Variants in RIT2 observed in about 807,000 individuals in gnomAD.
RIT2 encodes the protein Ras like without CAAX 2, also known as GTP-binding protein Rit2.
A neutral mutation model predicts 23.7 loss-of-function variants in RIT2; 24 were observed. The observed-to-expected ratio is 1.01, with a 90% CI of 0.73 to 1.43. The LOEUF (loss-of-function observed/expected upper bound fraction) is 1.43, where lower values mean the gene tolerates loss of function less well. RIT2 is among the 40% of genes most tolerant of loss of function. The pLI, the probability that RIT2 is intolerant of heterozygous loss-of-function variation, is 0.00. For synonymous variants in RIT2, 107 were observed against 91.1 expected (o/e 1.17, Z -0.99); for missense variants, 236 against 266.9 (o/e 0.88, Z 0.81).
chr18:42,868,031 C>A (rs966954171), intron 4 of RIT2, among the ~76,000 whole-genome samples: 82 of 152,270 alleles, frequency 5.4e-4, no homozygotes, highest in African/African-American at 1.9e-3. Context: ...TAAGTCAAAT[C>A]AGTAAGTTTG....
chr18:43,056,766 G>T (rs1301552949), intron 1 of RIT2, among the ~76,000 whole-genome samples: 1 of 152,106 alleles, frequency 6.6e-6, no homozygotes, highest in African/African-American at 2.4e-5. Context: ...GCATTAGTAA[G>T]GTCCTGACAG....
intron 4 of RIT2, among the ~76,000 whole-genome samples, chr18:42,807,642 C>CA (rs774560386): frequency 1.3e-5 from 2 of 151,972 alleles, no homozygotes; most frequent in Non-Finnish European, 2.9e-5. Flanking sequence ...CAAAACAAAA[C>CA]AAAAAATAGT....
chr18:43,043,428 A>T (rs1279891280), intron 1 of RIT2, among the ~76,000 whole-genome samples: 1 of 152,208 alleles, frequency 6.6e-6, no homozygotes, highest in Non-Finnish European at 1.5e-5. Flanking sequence ...CTAAATGTTA[A>T]TTTTTGAATG....
intron 2 of RIT2, among the ~76,000 whole-genome samples, chr18:43,029,748 A>G (rs1252029097): frequency 2.0e-5 from 3 of 152,028 alleles, no homozygotes; most frequent in African/African-American, 7.2e-5. Flanking sequence ...AATATTGAAT[A>G]AAGAGGAAGG....
chr18:42,904,376 A>C (rs1034953763), intron 4 of RIT2, among the ~76,000 whole-genome samples: 1 of 152,144 alleles, frequency 6.6e-6, no homozygotes, highest in Non-Finnish European at 1.5e-5. Context: ...ATAGGGTCCC[A>C]TAAGTCTTTG....
At chr18:43,092,820 A>AAACGT (rs1913456054) in intron 1 of RIT2, among the ~76,000 whole-genome samples, 1 of 152,092 alleles carries the variant, frequency 6.6e-6, no homozygotes, top group African/African-American at 2.4e-5. Context: ...ATCATGGCTG[A>AAACGT]AACGTAGGTT....
In RIT2 at chr18:42,855,562, AG is replaced by A. The variant is rs1480695233; in HGVS notation, c.426+68009del. ...CACTTGACCCAACCTGTAAGTAGAA[AG>A]GGGGTAAATGCCACAGAATTATACC... On this transcript the variant is annotated intron_variant, in intron 4 of 4. Coordinates refer to ENST00000326695, the MANE Select transcript of RIT2 (RefSeq NM_002930.4). 2.6e-5 allele frequency among the ~76,000 whole-genome samples: 4 copies of A among 152,324 alleles called. No individual in the cohort carries two copies. The East Asian group carries it at 7.7e-4, about 29-fold the overall frequency.
chr18:42,756,882 T>C (rs891660889), intron 4 of RIT2, among the ~76,000 whole-genome samples: 3 of 31,458 alleles, frequency 9.5e-5, no homozygotes, highest in African/African-American at 2.9e-4. Context: ...AAATTTATAT[T>C]AGGTAAAAAT....
chr18:43,067,357 A>G (rs906283372), intron 1 of RIT2, among the ~76,000 whole-genome samples: 81 of 152,160 alleles, frequency 5.3e-4, no homozygotes, highest in African/African-American at 1.8e-3. Flanking sequence ...GTGGCCATGC[A>G]CACGACACAG....
intron 2 of RIT2, among the ~76,000 whole-genome samples, chr18:43,019,833 T>C (rs1178442903): frequency 6.6e-6 from 1 of 152,030 alleles, no homozygotes; most frequent in Non-Finnish European, 1.5e-5. Context: ...ATGTATTCAG[T>C]AAAGTTGTAG....
intron 4 of RIT2, among the ~76,000 whole-genome samples, chr18:42,795,414 T>C (rs1905313979): frequency 6.6e-6 from 1 of 152,212 alleles, no homozygotes; most frequent in African/African-American, 2.4e-5. Context: ...CCCCTAGCAG[T>C]GCCAGCCCAC....
At chr18:42,986,297 G>C (rs1910707923) in intron 2 of RIT2, among the ~76,000 whole-genome samples, 1 of 151,704 alleles carries the variant, frequency 6.6e-6, no homozygotes, top group South Asian at 2.1e-4. Flanking sequence ...CCAAAGTGCT[G>C]GGATTACAGG....
chr18:43,115,384 C>T, intron 1 of RIT2, 33 bp downstream of exon 1: 1 of 1,611,046 alleles, frequency 6.2e-7, no homozygotes, highest in South Asian at 1.1e-5. Flanking sequence ...TATAGAGGTC[C>T]CTCCTTCCCC....
intron 4 of RIT2, among the ~76,000 whole-genome samples, chr18:42,744,140 C>T (rs1160265163): frequency 1.3e-5 from 2 of 152,120 alleles, no homozygotes; most frequent in African/African-American, 4.8e-5. Context: ...CCCCCTTTGA[C>T]TGTAATTTTC....
intron 4 of RIT2, among the ~76,000 whole-genome samples, chr18:42,807,729 C>T (rs1174482234): frequency 1.3e-5 from 2 of 151,988 alleles, no homozygotes; most frequent in African/African-American, 2.4e-5. Context: ...TTGTTATTTA[C>T]GAGAACCCTT....
At chr18:43,068,976 T>C (rs1030809756) in intron 1 of RIT2, among the ~76,000 whole-genome samples, 1 of 152,060 alleles carries the variant, frequency 6.6e-6, no homozygotes, top group Admixed American at 6.6e-5. Context: ...CCCAGGAAGT[T>C]AGTTATTCCT....
At chr18:43,110,560 A>G (rs1913929962) in intron 1 of RIT2, among the ~76,000 whole-genome samples, 3 of 152,118 alleles carry the variant, frequency 2.0e-5, no homozygotes, top group African/African-American at 4.8e-5. Context: ...AACTGTAACC[A>G]TGAGATTATT....
chr18:42,757,998 C>T (rs1036207672), intron 4 of RIT2, among the ~76,000 whole-genome samples: 4 of 151,270 alleles, frequency 2.6e-5, no homozygotes, highest in Admixed American at 2.6e-4. Context: ...GGCTGAATAA[C>T]CTTTTTTTTT....
chr18:42,975,440 A>C (rs1910456660), intron 2 of RIT2, among the ~76,000 whole-genome samples: 1 of 152,122 alleles, frequency 6.6e-6, no homozygotes, highest in Non-Finnish European at 1.5e-5. Context: ...TTGTTGAGGA[A>C]TTTTGCATAT....
Sources: gnomAD v4.1 joint callset for allele counts (sites outside exome capture counted in the v4.1 genomes callset) on GRCh38, gnomAD v4.1.1 for gene constraint, MANE v1.5 for transcripts, NCBI Gene and HGNC (gene_info 2026-07-23, HGNC 2026-07-21) for gene names.